The following ANK2 variants were observed in gnomAD, a reference collection of about 807,000 sequenced individuals.
ANK2 encodes ankyrin 2, also known as ankyrin-2.
Under a neutral mutation model 360.5 loss-of-function variants are expected in ANK2, and 83 were observed. The observed-to-expected ratio is 0.23, with a 90% CI of 0.19 to 0.28. The LOEUF is 0.28. Among genes scored for constraint, ANK2 ranks in the 10% least tolerant of loss-of-function variants. ANK2 has a pLI of 1.00. For missense variants in ANK2, 4,201 were observed against 4,795.7 expected, an observed-to-expected ratio of 0.88 and a Z score of 3.66; for synonymous variants, 1,740 against 1,759.5, an observed-to-expected ratio of 0.99 and a Z score of 0.28.
intron 2 of ANK2, among the ~76,000 whole-genome samples, chr4:113,029,172 A>G (rs934477271): frequency 6.6e-6 from 1 of 152,142 alleles, no homozygotes; most frequent in African/African-American, 2.4e-5. Flanking sequence ...TCTTAGAAAA[A>G]TAATATTTTA....
chr4:112,794,053 A>G, the ANK2 span, among the ~76,000 whole-genome samples: 1 of 152,306 alleles, frequency 6.6e-6, no homozygotes, highest in Admixed American at 6.5e-5. Context: ...ATCACATTTT[A>G]TTTGGTTTAT....
chr4:112,852,684 A>G (rs1452572104), intron 1 of ANK2, among the ~76,000 whole-genome samples: 2 of 152,230 alleles, frequency 1.3e-5, no homozygotes, highest in Admixed American at 6.5e-5. Flanking sequence ...ATGTTTACAC[A>G]TATCCTATTT....
chr4:113,083,731 T>G (rs921218396), intron 1 of ANK2, among the ~76,000 whole-genome samples: 1 of 152,240 alleles, frequency 6.6e-6, no homozygotes, highest in African/African-American at 2.4e-5. Flanking sequence ...ACAAGAAATC[T>G]GAATCTCCTA....
At chr4:113,131,035 T>G (rs2095993905) in intron 1 of ANK2, among the ~76,000 whole-genome samples, 1 of 152,194 alleles carries the variant, frequency 6.6e-6, no homozygotes, top group Non-Finnish European at 1.5e-5. Context: ...CCATTTCTAT[T>G]TAAATGTTAA....
chr4:112,983,238 ATTCT>A (rs1416059669), intron 2 of ANK2, among the ~76,000 whole-genome samples: 1 of 152,150 alleles, frequency 6.6e-6, no homozygotes, highest in East Asian at 1.9e-4. Flanking sequence ...AGCATATTAG[ATTCT>A]TTCTTATTTT....
At position 113,365,197 on chromosome 4, in the gene ANK2, G is replaced by GTGTT; in HGVS notation, c.11032+18_11032+19insTTGT. 1.3e-6 allele frequency: 2 copies of GTGTT among 1,528,356 alleles called. No homozygotes were observed. Among genetic ancestry groups the GTGTT allele is most frequent in the African/African-American group, 1.6e-5 (1 of 60,924 alleles). 94.7% of individuals were successfully genotyped at this position (1,528,356 alleles called of 1,614,324 possible). On this transcript the variant is annotated intron_variant, in intron 41 of 45. Coordinates refer to ENST00000357077, the MANE Select transcript of ANK2 (RefSeq NM_001148.6). ...TCATAGTGAAGGTCAAACTGTGTGT[G>GTGTT]TGTATGTGTGTGTGTGTGTGTGTGT...
At chr4:113,080,202 CCT>C (rs2081842676) in intron 1 of ANK2, among the ~76,000 whole-genome samples, 2 of 152,090 alleles carry the variant, frequency 1.3e-5, no homozygotes, top group Non-Finnish European at 2.9e-5. Flanking sequence ...CCCTGCCCAC[CCT>C]GACTTTCTTA....
chr4:113,369,711 G>C lies in ANK2; in HGVS notation c.11516G>C (p.Ser3839Thr), dbSNP rs148654834. 7.6e-5 allele frequency: 123 copies of C among 1,613,980 alleles called. No homozygotes were observed. Among genetic ancestry groups the C allele is most frequent in the Non-Finnish European group, 9.7e-5 (114 of 1,180,014 alleles). Residue 3839 changes from serine to threonine, a missense_variant, in exon 43 of 46, where the codon AGC (serine) becomes ACC (threonine). Physicochemically the swap from Ser to Thr is moderately conservative, Grantham distance 58 (BLOSUM62 1). Around this residue, in one of 4 missense-constraint regions of ANK2, gnomAD observed 2,642 missense variants for 2,714.5 expected, o/e 0.97. Transcript: ENST00000357077. ...PEEPSEHREE[S>T]SPRKTSLVIV... ...GAGCCCTCAGAGCACAGAGAGGAGA[G>C]CTCTCCGCGGAAAACCAGCCTCGTA...
At chr4:113,074,308 C>T (rs776161377) in intron 1 of ANK2, among the ~76,000 whole-genome samples, 71 of 152,166 alleles carry the variant, frequency 4.7e-4, no homozygotes, top group Non-Finnish European at 1.3e-4. Flanking sequence ...CCATCTAAGA[C>T]AGCAATTCTC....
intron 4 of ANK2, chr4:113,214,060 G>A (rs1333372645): frequency 2.5e-5 from 18 of 711,902 alleles, no homozygotes; most frequent in Non-Finnish European, 3.3e-5. Flanking sequence ...ATGGGCTTTG[G>A]TGGGGGACGT....
chr4:113,315,772 G>T (rs543009409), intron 24 of ANK2, among the ~76,000 whole-genome samples: 1 of 151,772 alleles, frequency 6.6e-6, no homozygotes, highest in Non-Finnish European at 1.5e-5. Context: ...GGTGGCAGGC[G>T]CCTGTAGTCC....
chr4:112,775,737 A>C, the ANK2 span, among the ~76,000 whole-genome samples: 1 of 152,162 alleles, frequency 6.6e-6, no homozygotes, highest in Non-Finnish European at 1.5e-5. Context: ...TAGGGAGACC[A>C]ACCTAGCGGA....
chr4:112,968,793 G>T (rs1224739716), intron 2 of ANK2, among the ~76,000 whole-genome samples: 1 of 152,188 alleles, frequency 6.6e-6, no homozygotes, highest in Admixed American at 6.5e-5. Flanking sequence ...CTGTTCTGGA[G>T]AATTTAATAT....
At chr4:112,790,020 CT>C in the ANK2 span, among the ~76,000 whole-genome samples, 1 of 152,160 alleles carries the variant, frequency 6.6e-6, no homozygotes, top group Non-Finnish European at 1.5e-5. Context: ...CAACCACTGC[CT>C]TTTTGGAAGC....
chr4:113,198,704 C>A lies in ANK2; in HGVS notation c.286-307C>A, dbSNP rs1001387071. On this transcript the variant is annotated intron_variant, in intron 3 of 45. Coordinates refer to ENST00000357077, the MANE Select transcript of ANK2 (RefSeq NM_001148.6). Reference sequence around the variant, plus strand: ...GATTCTTTAGTTGTTAATTAAATTGCATGAATCTCATGAGATATTGACACA... The same window carrying A: ...GATTCTTTAGTTGTTAATTAAATTGAATGAATCTCATGAGATATTGACACA... Among the ~76,000 whole-genome samples, 5 of 152,046 alleles carry A rather than the reference C, an allele frequency of 3.3e-5. No individual in the cohort carries two copies. In the South Asian group the frequency reaches 1.0e-3, roughly 32 times the overall value.
At chr4:112,925,599 A>G (rs891962385) in intron 2 of ANK2, among the ~76,000 whole-genome samples, 9 of 152,252 alleles carry the variant, frequency 5.9e-5, no homozygotes, top group African/African-American at 2.2e-4. Flanking sequence ...GTTCCCAATA[A>G]TAGTGATAGT....
chr4:112,782,656 C>T, the ANK2 span, among the ~76,000 whole-genome samples: 24 of 151,932 alleles, frequency 1.6e-4, no homozygotes, highest in Non-Finnish European at 2.8e-4. Flanking sequence ...CACCTGAGGT[C>T]AGGAGTTTGA....
chr4:113,317,360 A>T, intron 24 of ANK2: 1 of 347,490 alleles, frequency 2.9e-6, no homozygotes, highest in South Asian at 2.6e-5. Flanking sequence ...GATTTAAGCA[A>T]TCTATCCTGG....
intron 2 of ANK2, among the ~76,000 whole-genome samples, chr4:112,964,376 A>G (rs1218669594): frequency 1.4e-5 from 2 of 147,122 alleles, no homozygotes; most frequent in African/African-American, 2.5e-5. Context: ...CTCTGTCTCC[A>G]TGAGTTCCAC....
Sources: gnomAD v4.1 joint callset for allele counts (sites outside exome capture counted in the v4.1 genomes callset) on GRCh38, gnomAD v4.1.1 for gene constraint, gnomAD v4.1.1 regional missense constraint, MANE v1.5 for transcripts, NCBI Gene and HGNC (gene_info 2026-07-23, HGNC 2026-07-21) for gene names.